The following ST6GALNAC3 variants were observed in gnomAD, a reference collection of about 807,000 sequenced individuals.
The protein encoded by ST6GALNAC3 is alpha-N-acetylgalactosaminide alpha-2,6-sialyltransferase 3.
Under a neutral mutation model 32.7 loss-of-function variants are expected in ST6GALNAC3, and 25 were observed. The ratio of observed to expected loss-of-function variants is 0.76; its 90% CI spans 0.56 to 1.07. ST6GALNAC3 has a LOEUF of 1.07. Among genes scored for constraint, ST6GALNAC3 ranks in the 50% least tolerant of loss-of-function variants. The probability of loss-of-function intolerance (pLI) is 0.00; values close to 1 mark genes in which losing one functional copy is unlikely to be tolerated. For missense variants in ST6GALNAC3, 355 were observed against 382.4 expected (o/e 0.93, Z 0.60); for synonymous variants, 129 against 133.1 (o/e 0.97, Z 0.21).
At chr1:76,316,844 T>G (rs572402429) in intron 2 of ST6GALNAC3, among the ~76,000 whole-genome samples, 63 of 152,188 alleles carry the variant, frequency 4.1e-4, no homozygotes, top group African/African-American at 1.3e-3. Flanking sequence ...CCATTTACCA[T>G]GGGGAAGGAA....
In ST6GALNAC3 at chr1:76,308,864, A is replaced by G. The variant is rs192968620; in HGVS notation, c.19-4941A>G. ...TAGATAGGACAGTTGATTGCATCCA[A>G]CTTCATTTATTTGGCTTATTATCTT... is the stretch of plus-strand genomic sequence containing the variant. On this transcript the variant is annotated intron_variant, in intron 1 of 4. Transcript: ENST00000328299. 5.3e-5 allele frequency among the ~76,000 whole-genome samples: 8 copies of G among 152,266 alleles called. No homozygotes were observed. The East Asian group carries it at 1.5e-3, about 29-fold the overall frequency.
Position 76,425,579 on chromosome 1 carries a change from G to A in ST6GALNAC3, c.623+13162G>A, listed in dbSNP as rs144237498. ...TGAAACACATTCTCTAATTTTACTG[G>A]GAACTCGTCGGAACTTCTGACATTC... On this transcript the variant is annotated intron_variant, in intron 3 of 4. Coordinates refer to ENST00000328299, the MANE Select transcript of ST6GALNAC3 (RefSeq NM_152996.4). Among the ~76,000 whole-genome samples, 38 of 151,988 alleles carry A rather than the reference G, an allele frequency of 2.5e-4. No individual in the cohort carries two copies. The East Asian group carries it at 3.5e-3, about 14-fold the overall frequency.
At chr1:76,224,512 T>C (rs1338190304) in intron 1 of ST6GALNAC3, among the ~76,000 whole-genome samples, 1 of 152,220 alleles carries the variant, frequency 6.6e-6, no homozygotes. Context: ...TTACATAATC[T>C]GGACATCAAG....
chr1:76,151,682 G>A (rs1221663610), intron 1 of ST6GALNAC3, among the ~76,000 whole-genome samples: 5 of 152,190 alleles, frequency 3.3e-5, no homozygotes, highest in African/African-American at 1.2e-4. Flanking sequence ...AGGTTCTGCT[G>A]GCCAGAGAAC....
At chr1:76,174,860 G>A (rs1190109638) in intron 1 of ST6GALNAC3, among the ~76,000 whole-genome samples, 1 of 151,760 alleles carries the variant, frequency 6.6e-6, no homozygotes, top group Non-Finnish European at 1.5e-5. Context: ...TAGATACAAG[G>A]TTTCTCCATG....
chr1:76,425,906 G>A lies in ST6GALNAC3; in HGVS notation c.623+13489G>A, dbSNP rs192086879. Among the ~76,000 whole-genome samples, 156 of 151,992 alleles carry A rather than the reference G, an allele frequency of 1.0e-3. 1 individual carries two copies. Among genetic ancestry groups the A allele is most frequent in the Middle Eastern group, 3.4e-3 (1 of 294 alleles). ...CCCTGTTAAGAAATCAAGACCATGT[G>A]CTTTGTCTATAATCCTGGAGTCAGC... On this transcript the variant is annotated intron_variant, in intron 3 of 4. Transcript: ENST00000328299.
intron 1 of ST6GALNAC3, among the ~76,000 whole-genome samples, chr1:76,235,366 G>A (rs1010423194): frequency 1.5e-4 from 23 of 151,886 alleles, no homozygotes; most frequent in South Asian, 8.3e-4. Context: ...TATTAGCCAC[G>A]CGTGGTGGTG....
intron 2 of ST6GALNAC3, among the ~76,000 whole-genome samples, chr1:76,318,072 TA>T (rs905321988): frequency 2.9e-4 from 44 of 151,830 alleles, no homozygotes; most frequent in Middle Eastern, 3.4e-3. Context: ...CTGTTTTTTT[TA>T]AAAAAAATAA....
At chr1:76,193,277 A>G (rs1654007806) in intron 1 of ST6GALNAC3, among the ~76,000 whole-genome samples, 1 of 152,134 alleles carries the variant, frequency 6.6e-6, no homozygotes, top group African/African-American at 2.4e-5. Flanking sequence ...GACCCCCACC[A>G]TTAGAAAATG....
chr1:76,126,439 C>T (rs6658488), intron 1 of ST6GALNAC3, among the ~76,000 whole-genome samples: 270 of 68,660 alleles, frequency 3.9e-3, no homozygotes, highest in Non-Finnish European at 6.4e-3. Context: ...TTCCTTCCTT[C>T]CTTCCTTCCT....
At chr1:76,088,783 C>G (rs1177134307) in intron 1 of ST6GALNAC3, among the ~76,000 whole-genome samples, 2 of 152,198 alleles carry the variant, frequency 1.3e-5, no homozygotes, top group East Asian at 3.8e-4. Context: ...TATCTATCAT[C>G]TAGCACAATG....
At chr1:76,178,164 A>C (rs1652961651) in intron 1 of ST6GALNAC3, among the ~76,000 whole-genome samples, 1 of 152,250 alleles carries the variant, frequency 6.6e-6, no homozygotes, top group Non-Finnish European at 1.5e-5. Flanking sequence ...CAGGAAGATT[A>C]AACATTAATT....
At chr1:76,095,609 G>A (rs927428809) in intron 1 of ST6GALNAC3, among the ~76,000 whole-genome samples, 3 of 152,182 alleles carry the variant, frequency 2.0e-5, no homozygotes, top group African/African-American at 4.8e-5. Flanking sequence ...CTGCCTACTT[G>A]TAGGGCTGAT....
chr1:76,472,284 C>A (rs1373546034), intron 3 of ST6GALNAC3, among the ~76,000 whole-genome samples: 1 of 152,068 alleles, frequency 6.6e-6, no homozygotes, highest in East Asian at 1.9e-4. Flanking sequence ...AGATTGGAAG[C>A]CTTTCTCTCT....
At chr1:76,536,743 G>A (rs375415785) in intron 3 of ST6GALNAC3, among the ~76,000 whole-genome samples, 57 of 103,416 alleles carry the variant, frequency 5.5e-4, no homozygotes, top group African/African-American at 1.7e-3. Flanking sequence ...AAAAGACAAA[G>A]AAGAGCATTA....
chr1:76,602,954 C>T (rs1269173749), intron 3 of ST6GALNAC3, among the ~76,000 whole-genome samples: 1 of 151,868 alleles, frequency 6.6e-6, no homozygotes, highest in Non-Finnish European at 1.5e-5. Flanking sequence ...GAAGAAGAAA[C>T]ATGAATAGCT....
At chr1:76,098,204 A>G (rs1052834873) in intron 1 of ST6GALNAC3, among the ~76,000 whole-genome samples, 3 of 152,342 alleles carry the variant, frequency 2.0e-5, no homozygotes, top group East Asian at 1.9e-4. Flanking sequence ...AAGAATTTGT[A>G]TCATTATCAG....
intron 1 of ST6GALNAC3, among the ~76,000 whole-genome samples, chr1:76,284,739 G>A (rs1258963612): frequency 6.6e-6 from 1 of 151,950 alleles, no homozygotes; most frequent in Admixed American, 6.6e-5. Context: ...CATTAGGTTT[G>A]GAGGCAAACT....
At chr1:76,580,890 C>A (rs1275480004) in intron 3 of ST6GALNAC3, among the ~76,000 whole-genome samples, 2 of 151,872 alleles carry the variant, frequency 1.3e-5, no homozygotes, top group African/African-American at 4.8e-5. Flanking sequence ...GAAAAGCATT[C>A]CCTGTACAGT....
Sources: allele counts gnomAD v4.1 joint callset (sites outside exome capture counted in the v4.1 genomes callset), GRCh38; gene constraint gnomAD v4.1.1; transcripts MANE v1.5; gene names NCBI Gene and HGNC (gene_info 2026-07-23, HGNC 2026-07-21).